The following FGF12 variants were observed in gnomAD, a reference collection of about 807,000 sequenced individuals.
The protein encoded by FGF12 is fibroblast growth factor 12B.
A neutral mutation model predicts 23.6 loss-of-function variants in FGF12; 14 were observed. The observed-to-expected ratio is 0.59, with a 90% CI of 0.39 to 0.93. FGF12 has a LOEUF of 0.93. FGF12 is among the 40% of genes least tolerant of loss of function. The pLI, the probability that FGF12 is intolerant of heterozygous loss-of-function variation, is 0.00. For missense variants in FGF12, 175 were observed against 217.8 expected (o/e 0.80, Z 1.24); for synonymous variants, 62 against 77.3 (o/e 0.80, Z 1.04).
intron 4 of FGF12, among the ~76,000 whole-genome samples, chr3:192,182,341 G>T (rs1716226611): frequency 6.6e-6 from 1 of 151,806 alleles, no homozygotes; most frequent in Non-Finnish European, 1.5e-5. Context: ...GTTAAATATA[G>T]ACTACAGACC....
intron 4 of FGF12, among the ~76,000 whole-genome samples, chr3:192,308,481 C>G (rs1046008806): frequency 1.3e-5 from 2 of 152,056 alleles, no homozygotes; most frequent in African/African-American, 4.8e-5. Flanking sequence ...AATTTGAGAC[C>G]AGCCTGACCA....
At chr3:192,392,888 T>G (rs1341422222) in intron 2 of FGF12, among the ~76,000 whole-genome samples, 1 of 152,166 alleles carries the variant, frequency 6.6e-6, no homozygotes, top group Non-Finnish European at 1.5e-5. Flanking sequence ...AAATGACCTT[T>G]AAAGTTTTCT....
chr3:192,268,857 C>A, intron 4 of FGF12: 1 of 161,266 alleles, frequency 6.2e-6, no homozygotes, highest in Non-Finnish European at 1.4e-5. Flanking sequence ...AAAGTTTGAA[C>A]TTTGTATGCA....
intron 2 of FGF12, among the ~76,000 whole-genome samples, chr3:192,376,788 T>C (rs1430941741): frequency 1.3e-5 from 2 of 152,248 alleles, no homozygotes; most frequent in Non-Finnish European, 2.9e-5. Context: ...TTTAGATTCA[T>C]CTTAATATCT....
At chr3:192,581,466 GTATATATA>G (rs202156374) in intron 2 of FGF12, among the ~76,000 whole-genome samples, 6 of 100,358 alleles carry the variant, frequency 6.0e-5, no homozygotes, top group African/African-American at 2.4e-4. Flanking sequence ...ATATATATAT[GTATATATA>G]TGTGTGTGTG....
intron 2 of FGF12, among the ~76,000 whole-genome samples, chr3:192,445,172 C>T (rs1722315524): frequency 6.6e-6 from 1 of 152,196 alleles, no homozygotes; most frequent in Non-Finnish European, 1.5e-5. Context: ...TTAACACCAG[C>T]AATTCACAGA....
At position 192,514,761 on chromosome 3, in the gene FGF12, G is replaced by A; in HGVS notation, c.14-154223C>T. 1 of 985,388 alleles carries A rather than the reference G, an allele frequency of 1.0e-6. No individual in the cohort carries two copies. Among genetic ancestry groups the A allele is most frequent in the South Asian group, 4.7e-5 (1 of 21,286 alleles). 61.0% of individuals were successfully genotyped at this position (985,388 alleles called of 1,614,324 possible). On this transcript the variant is annotated intron_variant, in intron 2 of 5. Transcript: ENST00000445105. The surrounding 1 kb of genome is among the most constrained non-coding windows in gnomAD (Gnocchi z 4.9). ...GAGAAAGCTCAAGAATCTTCATGGA[G>A]AAGCGCGTGTGTGGGGTTGGTCAAC...
At chr3:192,219,856 C>T (rs1718382377) in intron 4 of FGF12, among the ~76,000 whole-genome samples, 1 of 152,152 alleles carries the variant, frequency 6.6e-6, no homozygotes, top group African/African-American at 2.4e-5. Context: ...ACTGACTTAC[C>T]TATAGCTGTG....
At chr3:192,709,870 C>T (rs955435495) in intron 2 of FGF12, among the ~76,000 whole-genome samples, 13 of 152,102 alleles carry the variant, frequency 8.5e-5, no homozygotes, top group African/African-American at 2.9e-4. Context: ...GTCTGTCTTC[C>T]GTGATAGCAT....
chr3:192,700,828 T>C (rs183272701), intron 2 of FGF12, among the ~76,000 whole-genome samples: 195 of 152,300 alleles, frequency 1.3e-3, no homozygotes, highest in African/African-American at 4.2e-3. Flanking sequence ...GATCTTAAGA[T>C]TGACAAAATA....
At chr3:192,404,888 T>C (rs1720901909) in intron 2 of FGF12, among the ~76,000 whole-genome samples, 1 of 152,346 alleles carries the variant, frequency 6.6e-6, no homozygotes, top group African/African-American at 2.4e-5. Flanking sequence ...CCTCTTCTAC[T>C]CTACCCTATC....
intron 4 of FGF12, among the ~76,000 whole-genome samples, chr3:192,306,490 C>T (rs1265253390): frequency 6.6e-6 from 1 of 152,146 alleles, no homozygotes; most frequent in African/African-American, 2.4e-5. Context: ...TGGTGGCTCA[C>T]ACTTGTAATC....
chr3:192,711,390 G>A (rs1027986770), intron 2 of FGF12, among the ~76,000 whole-genome samples: 4 of 152,006 alleles, frequency 2.6e-5, no homozygotes, highest in East Asian at 1.9e-4. Flanking sequence ...CTGCCCGGCC[G>A]CCCCTTCTGG....
chr3:192,671,250 T>C (rs1056168922), intron 2 of FGF12, among the ~76,000 whole-genome samples: 4 of 152,170 alleles, frequency 2.6e-5, no homozygotes, highest in African/African-American at 9.7e-5. Flanking sequence ...ATGTGATTGT[T>C]TTTGTGCTTT....
In FGF12 at chr3:192,238,310, A is replaced by G. The variant is rs187328945; in HGVS notation, c.229-67654T>C. 455 of 152,484 alleles carry G rather than the reference A, an allele frequency of 3.0e-3. 4 individuals are homozygous for G. Among genetic ancestry groups the G allele is most frequent in the Middle Eastern group, 0.017 (5 of 296 alleles). The allele number at this position is 152,484 out of a possible 1,614,324, so 9.4% of individuals were successfully genotyped here. A position where few individuals can be genotyped will look rare whatever the true frequency, so the allele number is the denominator to read the frequency against. The stretch of plus-strand genomic sequence containing the variant: ...TCTCCACACACATGTGCACCAATGG[A>G]GGAGGCTGCAGGCGAGTACGCATCA... On this transcript the variant is annotated intron_variant, in intron 4 of 5. Transcript: ENST00000445105.
chr3:192,221,868 C>T (rs1368681254), intron 4 of FGF12, among the ~76,000 whole-genome samples: 1 of 151,830 alleles, frequency 6.6e-6, no homozygotes, highest in Non-Finnish European at 1.5e-5. Context: ...GATATAAATA[C>T]CACCAAGGTT....
rs148325039 is a variant in FGF12, at chr3:192,300,522, T to G, written c.228+34839A>C. ...TGGGGGAAGCATGGTAGGTGCCAAT[T>G]TTGGTCAAGTCAGGTCTTTCTTGGG... On this transcript the variant is annotated intron_variant, in intron 4 of 5. Transcript: ENST00000445105. Among the ~76,000 whole-genome samples, 1,203 of 152,176 alleles carry G rather than the reference T, an allele frequency of 7.9e-3. 19 individuals carry two copies. Among genetic ancestry groups the G allele is most frequent in the African/African-American group, 0.027 (1,120 of 41,534 alleles).
At chr3:192,279,244 ATATAT>A (rs1170846613) in intron 4 of FGF12, among the ~76,000 whole-genome samples, 4 of 148,740 alleles carry the variant, frequency 2.7e-5, no homozygotes, top group Non-Finnish European at 5.9e-5. Flanking sequence ...ATATATATAT[ATATAT>A]ATATAAAATG....
chr3:192,299,497 T>C (rs1290255612), intron 4 of FGF12, among the ~76,000 whole-genome samples: 3 of 152,138 alleles, frequency 2.0e-5, no homozygotes, highest in Non-Finnish European at 2.9e-5. Flanking sequence ...AATGAGAAAA[T>C]GTAAGTCTCT....
Sources: allele counts gnomAD v4.1 joint callset (sites outside exome capture counted in the v4.1 genomes callset), GRCh38; gene constraint gnomAD v4.1.1; non-coding constraint Gnocchi (gnomAD v3.1); transcripts MANE v1.5; gene names NCBI Gene and HGNC (gene_info 2026-07-23, HGNC 2026-07-21).